The following DIS3L2 variants were observed in gnomAD, a reference collection of about 807,000 sequenced individuals.
The protein encoded by DIS3L2 is DIS3 like 3'-5' exoribonuclease 2.
DIS3L2 carries 34 observed loss-of-function variants against 97.5 expected under a neutral mutation model. That is an observed-to-expected ratio of 0.35 (90% confidence interval 0.27 to 0.46). The LOEUF is 0.46. Among genes scored for constraint, DIS3L2 ranks in the 20% least tolerant of loss-of-function variants. The probability of loss-of-function intolerance (pLI) is 1.00; values close to 1 mark genes in which losing one functional copy is unlikely to be tolerated. For synonymous variants in DIS3L2, 435 were observed against 445.2 expected, an observed-to-expected ratio of 0.98 and a Z score of 0.29; for missense variants, 1,038 against 1,146.0, an observed-to-expected ratio of 0.91 and a Z score of 1.36.
At chr2:232,338,864 T>TGGC (rs1696047493), downstream of DIS3L2, among the ~76,000 whole-genome samples, 1 of 152,290 alleles carries the variant, frequency 6.6e-6, no homozygotes, top group Non-Finnish European at 1.5e-5. Flanking sequence ...AAGGAGGACT[T>TGGC]GGCCATTCCC....
At chr2:232,286,638 G>C (rs1272183566) in intron 13 of DIS3L2, among the ~76,000 whole-genome samples, 1 of 152,168 alleles carries the variant, frequency 6.6e-6, no homozygotes, top group Non-Finnish European at 1.5e-5. Flanking sequence ...TTCCGCTATA[G>C]CTAGGCACTG....
intron 12 of DIS3L2, 65 bp downstream of exon 12, chr2:232,249,411 C>A: frequency 6.6e-7 from 1 of 1,508,580 alleles, no homozygotes; most frequent in Admixed American, 1.8e-5. Flanking sequence ...ATGAAGCACT[C>A]ACCATGTGCC....
intron 1 of DIS3L2, among the ~76,000 whole-genome samples, chr2:231,985,236 C>G (rs1203650175): frequency 6.6e-6 from 1 of 152,190 alleles, no homozygotes; most frequent in African/African-American, 2.4e-5. Context: ...ATAGCCACAG[C>G]CATTGCCCTC....
chr2:232,135,751 A>G (rs1380720711), intron 7 of DIS3L2, among the ~76,000 whole-genome samples: 2 of 152,064 alleles, frequency 1.3e-5, no homozygotes, highest in Admixed American at 6.6e-5. Flanking sequence ...AGCCAGCTCA[A>G]CTGCAGGCTG....
intron 8 of DIS3L2, among the ~76,000 whole-genome samples, chr2:232,148,366 G>A (rs1356509179): frequency 6.6e-6 from 1 of 151,982 alleles, no homozygotes; most frequent in African/African-American, 2.4e-5. Flanking sequence ...TTCTTTCTAG[G>A]GCATCTAAGG....
At position 232,181,326 on chromosome 2, in the gene DIS3L2, T is replaced by G. The variant is rs1167865726; in HGVS notation, c.1124+17694T>G. 4.6e-5 allele frequency among the ~76,000 whole-genome samples: 7 copies of G among 152,296 alleles called. No homozygotes were observed. In the East Asian group the frequency reaches 9.7e-4, roughly 21 times the overall value. ...CTTCTCGAGGAGTATCTTTGTGGCG[T>G]TCTCTGTATTTCCTGAATCTGAATG... On this transcript the variant is annotated intron_variant, in intron 9 of 20. Transcript: ENST00000325385.
intron 6 of DIS3L2, among the ~76,000 whole-genome samples, chr2:232,109,890 G>C (rs1348181418): frequency 6.6e-6 from 1 of 152,182 alleles, no homozygotes; most frequent in Non-Finnish European, 1.5e-5. Flanking sequence ...CTTCTGCATA[G>C]CAAAAGAAAC....
At chr2:232,343,677 A>G in exon 14 of DIS3L2, 11 of 1,278,698 alleles carry the variant, frequency 8.6e-6, no homozygotes, top group Non-Finnish European at 1.2e-5. Flanking sequence ...TCCAGTAGAA[A>G]AGGAGCTGGA....
At chr2:232,282,545 T>C (rs890264307) in intron 13 of DIS3L2, among the ~76,000 whole-genome samples, 1 of 152,202 alleles carries the variant, frequency 6.6e-6, no homozygotes, top group African/African-American at 2.4e-5. Flanking sequence ...TCTTCACATA[T>C]GTGATTTTGG....
At chr2:232,311,947 CAT>C (rs1695146307) in intron 14 of DIS3L2, among the ~76,000 whole-genome samples, 1 of 152,180 alleles carries the variant, frequency 6.6e-6, no homozygotes, top group South Asian at 2.1e-4. Flanking sequence ...TTGCTGAAAT[CAT>C]ATGTAATTTC....
Position 232,276,673 on chromosome 2 carries a change from A to C in DIS3L2, c.1659+13233A>C, listed in dbSNP as rs557218608. On this transcript the variant is annotated intron_variant, in intron 13 of 20. Transcript: ENST00000325385. The surrounding 1 kb of genome is among the most constrained non-coding windows in gnomAD (Gnocchi z 4.4). Reference sequence around the variant, plus strand: ...TTTATTTGAACATCTCCTGCGCAACAAGAGAATGTAGTGATCAAGAGCATG... The same window carrying C: ...TTTATTTGAACATCTCCTGCGCAACCAGAGAATGTAGTGATCAAGAGCATG... 2.6e-5 allele frequency among the ~76,000 whole-genome samples: 4 copies of C among 152,334 alleles called. No homozygotes were observed. The South Asian group carries it at 8.3e-4, about 32-fold the overall frequency.
At chr2:232,171,371 CCTCTAG>C (rs1368150349) in intron 9 of DIS3L2, among the ~76,000 whole-genome samples, 2 of 152,060 alleles carry the variant, frequency 1.3e-5, no homozygotes, top group Admixed American at 1.3e-4. Flanking sequence ...ATTTCAAACC[CCTCTAG>C]CTCTAACAGA....
At chr2:232,129,347 A>C (rs1159478617) in intron 6 of DIS3L2, among the ~76,000 whole-genome samples, 1 of 152,226 alleles carries the variant, frequency 6.6e-6, no homozygotes, top group Non-Finnish European at 1.5e-5. Flanking sequence ...GAACAAACAG[A>C]TCAACAACTT....
intron 10 of DIS3L2, among the ~76,000 whole-genome samples, chr2:232,227,866 C>T (rs1692689448): frequency 6.6e-6 from 1 of 152,162 alleles, no homozygotes; most frequent in African/African-American, 2.4e-5. Context: ...CATTTTAATA[C>T]ACATAGTTGT....
intron 1 of DIS3L2, among the ~76,000 whole-genome samples, chr2:231,973,509 G>A (rs912131158): frequency 1.3e-5 from 2 of 152,134 alleles, no homozygotes; most frequent in Non-Finnish European, 2.9e-5. Flanking sequence ...ACCTGACTAT[G>A]AGGGTAGAGA....
intron 14 of DIS3L2, among the ~76,000 whole-genome samples, chr2:232,319,393 C>T (rs1695366045): frequency 6.6e-6 from 1 of 152,210 alleles, no homozygotes; most frequent in African/African-American, 2.4e-5. Flanking sequence ...AGGAACTGGG[C>T]TTGAGTATCA....
chr2:232,218,469 C>T (rs548126058), intron 10 of DIS3L2, among the ~76,000 whole-genome samples: 3 of 151,646 alleles, frequency 2.0e-5, no homozygotes, highest in South Asian at 2.1e-4. Context: ...GGTTTCAGGC[C>T]GGGTGTGGTG....
At position 232,210,327 on chromosome 2, in the gene DIS3L2, A is replaced by G. The variant is rs1559156477; in HGVS notation, c.1126A>G (p.Lys376Glu). Residue 376 changes from lysine to glutamate, a missense_variant and splice_region_variant, in exon 10 of 21, where the codon AAA becomes GAA. Lys to Glu is a moderately conservative substitution (Grantham distance 56). Coordinates refer to ENST00000325385, the MANE Select transcript of DIS3L2 (RefSeq NM_152383.5). ...EEFSKRRDLR[K>E]DCIFTIDPST... ...AATTGTTTCTTCACTCTTTCCTAGA[A>G]AAGACTGTATCTTCACCATTGACCC... 1 of 1,613,100 alleles carries G rather than the reference A, an allele frequency of 6.2e-7. No individual in the cohort carries two copies. The highest frequency in any genetic ancestry group is 1.7e-4 in the Middle Eastern group (1 of 6,058).
At chr2:232,153,930 C>T (rs1304624623) in intron 8 of DIS3L2, among the ~76,000 whole-genome samples, 447 of 150,764 alleles carry the variant, frequency 3.0e-3, no homozygotes, top group African/African-American at 0.01. Context: ...CTAAACTTCC[C>T]TTCTCGCTTC....
Sources: gnomAD v4.1 joint callset for allele counts (sites outside exome capture counted in the v4.1 genomes callset) on GRCh38, gnomAD v4.1.1 for gene constraint, Gnocchi (gnomAD v3.1) non-coding constraint, MANE v1.5 for transcripts, NCBI Gene and HGNC (gene_info 2026-07-23, HGNC 2026-07-21) for gene names.